GMDS: variants seen among roughly 807,000 people sequenced by gnomAD.
The protein encoded by GMDS is GDP-mannose 4,6 dehydratase.
Under a neutral mutation model 49.9 loss-of-function variants are expected in GMDS, and 20 were observed. The ratio of observed to expected loss-of-function variants is 0.40; its 90% confidence interval spans 0.28 to 0.58. GMDS has a LOEUF of 0.58. Among genes scored for constraint, GMDS ranks in the 20% least tolerant of loss-of-function variants. The pLI, the probability that GMDS is intolerant of heterozygous loss-of-function variation, is 0.42. For synonymous variants in GMDS, 177 were observed against 178.6 expected (o/e 0.99, Z 0.07); for missense variants, 362 against 481.4 (o/e 0.75, Z 2.32).
chr6:1,887,795 G>C (rs1759677240), intron 7 of GMDS, among the ~76,000 whole-genome samples: 2 of 152,156 alleles, frequency 1.3e-5, no homozygotes, highest in African/African-American at 2.4e-5. Flanking sequence ...ATCCAAGGAT[G>C]CTCAACTCCC....
chr6:1,716,716 T>A (rs1002168213), intron 9 of GMDS, among the ~76,000 whole-genome samples: 1 of 152,202 alleles, frequency 6.6e-6, no homozygotes, highest in African/African-American at 2.4e-5. Flanking sequence ...TATGTCTCTG[T>A]TCATGCGGCT....
chr6:2,041,140 A>G (rs73412535), intron 4 of GMDS, among the ~76,000 whole-genome samples: 3,099 of 152,320 alleles, frequency 0.02, 67 homozygotes, highest in South Asian at 0.093. Flanking sequence ...ACTCAAAAGG[A>G]TATTACATCC....
At chr6:2,227,587 G>A (rs956111148) in intron 1 of GMDS, among the ~76,000 whole-genome samples, 6 of 152,236 alleles carry the variant, frequency 3.9e-5, no homozygotes, top group African/African-American at 1.4e-4. Context: ...GAGAGTGACT[G>A]TGGAAAAGGC....
intron 1 of GMDS, among the ~76,000 whole-genome samples, chr6:2,170,126 C>A (rs1561627667): frequency 1.3e-5 from 2 of 152,042 alleles, no homozygotes; most frequent in East Asian, 3.9e-4. Flanking sequence ...TCGCTTGAAC[C>A]CGGGAGGTGG....
chr6:1,812,145 C>T (rs1274939852), intron 7 of GMDS, among the ~76,000 whole-genome samples: 6 of 152,224 alleles, frequency 3.9e-5, no homozygotes, highest in East Asian at 1.9e-4. Flanking sequence ...GGTAGATTGG[C>T]GCAAAACTCA....
chr6:1,907,664 A>G (rs1356944189), intron 7 of GMDS, among the ~76,000 whole-genome samples: 5 of 152,220 alleles, frequency 3.3e-5, no homozygotes, highest in Non-Finnish European at 7.3e-5. Flanking sequence ...TTACGAAGTC[A>G]GTCGGACACA....
chr6:1,932,960 C>A (rs1258065355), intron 6 of GMDS, among the ~76,000 whole-genome samples: 7 of 152,116 alleles, frequency 4.6e-5, no homozygotes, highest in Admixed American at 4.6e-4. Context: ...AATGTACAAC[C>A]ATCATCACAA....
chr6:2,028,518 G>A (rs767050919), intron 4 of GMDS, among the ~76,000 whole-genome samples: 3 of 152,120 alleles, frequency 2.0e-5, no homozygotes, highest in South Asian at 2.1e-4. Context: ...ATACATCTTC[G>A]TCGCTCAGGA....
At chr6:2,237,135 C>G (rs553787560) in intron 1 of GMDS, among the ~76,000 whole-genome samples, 1 of 152,296 alleles carries the variant, frequency 6.6e-6, no homozygotes, top group African/African-American at 2.4e-5. Context: ...AACCTCAAGT[C>G]TATGTAACTC....
intron 9 of GMDS, among the ~76,000 whole-genome samples, chr6:1,724,374 G>A (rs182314278): frequency 1.6e-3 from 238 of 152,272 alleles, no homozygotes; most frequent in Non-Finnish European, 2.1e-3. Flanking sequence ...AAAGGGGGTC[G>A]ATGCGGATTC....
intron 9 of GMDS, among the ~76,000 whole-genome samples, chr6:1,689,143 A>G (rs758837417): frequency 2.6e-5 from 4 of 152,174 alleles, no homozygotes; most frequent in Non-Finnish European, 5.9e-5. Context: ...GTTGTGTCAG[A>G]TATATATTTT....
intron 1 of GMDS, among the ~76,000 whole-genome samples, chr6:2,207,847 G>A (rs1262268623): frequency 6.6e-6 from 1 of 151,822 alleles, no homozygotes; most frequent in African/African-American, 2.4e-5. Context: ...TAATAACTAA[G>A]GGACACAGTA....
At chr6:2,165,328 G>T (rs921371370) in intron 1 of GMDS, among the ~76,000 whole-genome samples, 3 of 152,244 alleles carry the variant, frequency 2.0e-5, no homozygotes, top group African/African-American at 7.2e-5. Flanking sequence ...TATAGTTCCT[G>T]TCTGAAAGCC....
intron 1 of GMDS, among the ~76,000 whole-genome samples, chr6:2,233,669 A>C (rs1375695721): frequency 2.6e-5 from 4 of 152,042 alleles, no homozygotes; most frequent in Non-Finnish European, 5.9e-5. Flanking sequence ...AAAATACAAA[A>C]ATTAGCCAAG....
intron 9 of GMDS, among the ~76,000 whole-genome samples, chr6:1,719,717 G>A (rs1192804014): frequency 6.6e-6 from 1 of 152,074 alleles, no homozygotes; most frequent in Non-Finnish European, 1.5e-5. Flanking sequence ...ATCACACCAG[G>A]GACGAATGGA....
chr6:2,011,116 T>C (rs1464629597), intron 4 of GMDS, among the ~76,000 whole-genome samples: 1 of 151,760 alleles, frequency 6.6e-6, no homozygotes, highest in Non-Finnish European at 1.5e-5. Context: ...ACCAAAACAT[T>C]AAAAGGGCTT....
intron 4 of GMDS, among the ~76,000 whole-genome samples, chr6:2,078,355 C>T (rs1343593823): frequency 4.6e-5 from 7 of 151,938 alleles, no homozygotes; most frequent in South Asian, 2.1e-4. Flanking sequence ...TCTTGAGGTG[C>T]ATCATTAGAT....
At chr6:1,998,194 G>A (rs898039833) in intron 4 of GMDS, among the ~76,000 whole-genome samples, 1 of 152,184 alleles carries the variant, frequency 6.6e-6, no homozygotes, top group African/African-American at 2.4e-5. Context: ...ATATCCAGGA[G>A]TTATCATAGC....
chr6:1,702,412 A>C (rs1369922826), intron 9 of GMDS, among the ~76,000 whole-genome samples: 1 of 152,206 alleles, frequency 6.6e-6, no homozygotes, highest in East Asian at 1.9e-4. Context: ...TTGCCCATTT[A>C]AGAGCTTGAT....
Sources: allele counts gnomAD v4.1 joint callset (sites outside exome capture counted in the v4.1 genomes callset), GRCh38; gene constraint gnomAD v4.1.1; transcripts MANE v1.5; gene names NCBI Gene and HGNC (gene_info 2026-07-23, HGNC 2026-07-21).